PRKAR1B: variants seen among roughly 807,000 people sequenced by gnomAD.
PRKAR1B encodes protein kinase cAMP-dependent type I regulatory subunit beta, also known as cAMP-dependent protein kinase type I-beta regulatory subunit.
PRKAR1B carries 22 observed loss-of-function variants against 46.5 expected under a neutral mutation model. The observed-to-expected ratio is 0.47, with a 90% confidence interval of 0.34 to 0.68. The LOEUF (loss-of-function observed/expected upper bound fraction) is 0.68. Ranked by LOEUF, PRKAR1B falls within the 30% of genes least tolerant of loss-of-function variation. PRKAR1B has a pLI of 0.01. For missense variants in PRKAR1B, 445 were observed against 535.6 expected (o/e 0.83, Z 1.67); for synonymous variants, 259 against 217.7 (o/e 1.19, Z -1.67).
chr7:554,092 C>G (rs1055704912), intron 9 of PRKAR1B, among the ~76,000 whole-genome samples: 3 of 152,268 alleles, frequency 2.0e-5, no homozygotes, highest in African/African-American at 7.2e-5. Flanking sequence ...GGCACTGGCT[C>G]AGGCCAGACC....
chr7:559,521 G>A (rs999605007), intron 9 of PRKAR1B, among the ~76,000 whole-genome samples: 19 of 152,290 alleles, frequency 1.2e-4, no homozygotes, highest in African/African-American at 3.9e-4. Flanking sequence ...AGGGGACCCC[G>A]ATCTGGGGCC....
chr7:579,183 G>A lies in PRKAR1B; in HGVS notation c.891+73C>T, dbSNP rs918706407. 13 of 1,609,588 alleles carry A rather than the reference G, an allele frequency of 8.1e-6. No homozygotes were observed. The Admixed American group carries it at 1.3e-4, about 17-fold the overall frequency. On this transcript the variant is annotated intron_variant, in intron 9 of 10. Transcript: ENST00000537384. ...CCAGAGGGAGGGTGAGGCGGGCAGT[G>A]GAAGAGGAGAAGGTAAGAAGTGCCC...
chr7:661,653 C>T (rs1179091674), intron 4 of PRKAR1B, among the ~76,000 whole-genome samples: 11 of 38,728 alleles, frequency 2.8e-4, no homozygotes, highest in African/African-American at 1.1e-3. Flanking sequence ...TACTCTCCCC[C>T]CCATGGCACA....
chr7:572,323 C>T (rs1021479728), intron 9 of PRKAR1B, among the ~76,000 whole-genome samples: 1 of 152,204 alleles, frequency 6.6e-6, no homozygotes, highest in African/African-American at 2.4e-5. Context: ...GTCTGAGGGG[C>T]TGGCAGCTCC....
intron 4 of PRKAR1B, among the ~76,000 whole-genome samples, chr7:665,190 G>A (rs1405811600): frequency 6.6e-6 from 1 of 152,188 alleles, no homozygotes; most frequent in Non-Finnish European, 1.5e-5. Context: ...CGCTAGGCGT[G>A]TGGAAAATGA....
intron 1 of PRKAR1B, among the ~76,000 whole-genome samples, chr7:716,056 T>C (rs1272387979): frequency 6.6e-6 from 1 of 151,270 alleles, no homozygotes; most frequent in African/African-American, 2.4e-5. Context: ...AATCTTTTTG[T>C]TGTTGTTTTG....
At chr7:590,538 AG>A (rs1780915813) in intron 7 of PRKAR1B, among the ~76,000 whole-genome samples, 1 of 152,236 alleles carries the variant, frequency 6.6e-6, no homozygotes, top group Non-Finnish European at 1.5e-5. Flanking sequence ...AAACAGCCCC[AG>A]GCCTTGCAAG....
chr7:725,996 A>T (rs1315616440), intron 1 of PRKAR1B, among the ~76,000 whole-genome samples: 1 of 152,122 alleles, frequency 6.6e-6, no homozygotes, highest in East Asian at 1.9e-4. Context: ...CTGCCTAATT[A>T]TCCTTAGATG....
intron 4 of PRKAR1B, among the ~76,000 whole-genome samples, chr7:663,187 A>C (rs894051744): frequency 6.6e-6 from 1 of 152,096 alleles, no homozygotes; most frequent in African/African-American, 2.4e-5. Context: ...CCATGAGACA[A>C]CCAGACAATA....
chr7:582,273 G>A (rs1011110236), intron 8 of PRKAR1B, among the ~76,000 whole-genome samples: 4 of 152,258 alleles, frequency 2.6e-5, no homozygotes, highest in African/African-American at 9.6e-5. Context: ...AGCCCTGCGC[G>A]TTCAGGAGAA....
In PRKAR1B at chr7:638,148, T is replaced by C. The variant is rs1784220292; in HGVS notation, c.441-30696A>G. Among the ~76,000 whole-genome samples, 3 of 152,212 alleles carry C rather than the reference T, an allele frequency of 2.0e-5. No homozygotes were observed. In the South Asian group the frequency reaches 6.2e-4, roughly 32 times the overall value. On this transcript the variant is annotated intron_variant, in intron 4 of 10. Coordinates refer to ENST00000537384, the MANE Select transcript of PRKAR1B (RefSeq NM_001164760.2). Reference sequence around the variant, plus strand: ...CCCAGCAGGCACTTAATAAACACCTTGGAATGAGCCTGGGACTGAAAGCCT... The same window carrying C: ...CCCAGCAGGCACTTAATAAACACCTCGGAATGAGCCTGGGACTGAAAGCCT...
At chr7:564,101 G>A (rs1444728871) in intron 9 of PRKAR1B, among the ~76,000 whole-genome samples, 1 of 152,062 alleles carries the variant, frequency 6.6e-6, no homozygotes, top group Non-Finnish European at 1.5e-5. Flanking sequence ...TCCCTGTTCA[G>A]TCTCCCCACA....
At chr7:566,646 T>C in intron 9 of PRKAR1B, among the ~76,000 whole-genome samples, 1 of 81,814 alleles carries the variant, frequency 1.2e-5, no homozygotes, top group Non-Finnish European at 2.5e-5. Context: ...ATCAGCACCT[T>C]GATCACCATC....
intron 9 of PRKAR1B, among the ~76,000 whole-genome samples, chr7:576,911 A>G (rs1779866625): frequency 6.6e-6 from 1 of 151,922 alleles, no homozygotes; most frequent in South Asian, 2.1e-4. Flanking sequence ...CTCTTACTCC[A>G]GCCTCCTGCT....
intron 2 of PRKAR1B, among the ~76,000 whole-genome samples, chr7:699,074 AG>A (rs1411213608): frequency 6.6e-6 from 1 of 152,190 alleles, no homozygotes; most frequent in Admixed American, 6.5e-5. Context: ...CCACCATCAA[AG>A]CCAACCCCAG....
chr7:674,305 C>T (rs1236135846), intron 4 of PRKAR1B, among the ~76,000 whole-genome samples: 1 of 151,752 alleles, frequency 6.6e-6, no homozygotes, highest in African/African-American at 2.4e-5. Context: ...TAGTCATGCC[C>T]AGCAACTCCA....
At chr7:726,979 G>A in intron 1 of PRKAR1B, 1 of 1,294,682 alleles carries the variant, frequency 7.7e-7, no homozygotes. Context: ...CTGCCTGAGC[G>A]ACCCCGCCGA....
In PRKAR1B at chr7:685,394, A is replaced by ATATG. The variant is rs1554303301; in HGVS notation, c.178-4669_178-4668insCATA. ...TATATATATATACATACATATATAT[A>ATATG]TATATATGTATATATATACCAAAAA... On this transcript the variant is annotated intron_variant, in intron 2 of 10. Coordinates refer to ENST00000537384, the MANE Select transcript of PRKAR1B (RefSeq NM_001164760.2). Among the ~76,000 whole-genome samples the ATATG allele has an allele frequency of 1.7e-5, 2 of 119,300 alleles. 1 individual carries two copies. Among genetic ancestry groups the ATATG allele is most frequent in the African/African-American group, 6.7e-5 (2 of 29,870 alleles). The allele number at this position is 119,300 out of a possible 152,430, so 78.3% of individuals were successfully genotyped here.
chr7:631,414 G>T (rs1445436873), intron 4 of PRKAR1B, among the ~76,000 whole-genome samples: 2 of 152,210 alleles, frequency 1.3e-5, no homozygotes, highest in African/African-American at 4.8e-5. Context: ...AAGCCACTCA[G>T]CACCTAACCT....
Sources: gnomAD v4.1 joint callset for allele counts (sites outside exome capture counted in the v4.1 genomes callset) on GRCh38, gnomAD v4.1.1 for gene constraint, MANE v1.5 for transcripts, NCBI Gene and HGNC (gene_info 2026-07-23, HGNC 2026-07-21) for gene names.